The following PTPRD variants were observed in gnomAD, a reference collection of about 807,000 sequenced individuals.
PTPRD encodes the protein receptor-type tyrosine-protein phosphatase delta.
A neutral mutation model predicts 214.5 loss-of-function variants in PTPRD; 34 were observed. The ratio of observed to expected loss-of-function variants is 0.16; its 90% CI spans 0.12 to 0.21. The LOEUF is 0.21. Among genes scored for constraint, PTPRD ranks in the 10% least tolerant of loss-of-function variants. The pLI, the probability that PTPRD is intolerant of heterozygous loss-of-function variation, is 1.00. For missense variants in PTPRD, 2,545 were observed against 2,398.7 expected (o/e 1.06, Z -1.27); for synonymous variants, 1,128 against 845.7 (o/e 1.33, Z -5.79).
chr9:10,194,337 TATATATATAGAG>T lies in PTPRD; in HGVS notation c.-545+146614_-545+146625del, dbSNP rs2099387767. 5.7e-5 allele frequency among the ~76,000 whole-genome samples: 4 copies of T among 70,634 alleles called. No individual in the cohort carries two copies. In the South Asian group the frequency reaches 1.8e-3, roughly 31 times the overall value. The allele number at this position is 70,634 out of a possible 152,430, so 46.3% of individuals were successfully genotyped here. On this transcript the variant is annotated intron_variant, in intron 3 of 45. Transcript: ENST00000381196. The stretch of plus-strand genomic sequence containing the variant: ...CTATTCATATATATATATATATATA[TATATATATAGAG>T]AGAGAGAGAGAGAGAGAGAGAGAGA...
chr9:9,130,827 T>C, intron 10 of PTPRD, among the ~76,000 whole-genome samples: 1 of 152,118 alleles, frequency 6.6e-6, no homozygotes, highest in East Asian at 1.9e-4. Flanking sequence ...GGGGTACCAG[T>C]TTTTTAGGAT....
At chr9:8,706,486 C>A (rs2098212579) in intron 12 of PTPRD, among the ~76,000 whole-genome samples, 1 of 152,184 alleles carries the variant, frequency 6.6e-6, no homozygotes, top group South Asian at 2.1e-4. Flanking sequence ...TAGAAGCCAT[C>A]TAAGTCTGCA....
intron 8 of PTPRD, among the ~76,000 whole-genome samples, chr9:9,526,870 T>C (rs1258093094): frequency 6.6e-6 from 1 of 152,188 alleles, no homozygotes; most frequent in Non-Finnish European, 1.5e-5. Context: ...TAGTTTTCAC[T>C]ATAATTCAGA....
chr9:9,831,627 C>T (rs1032945170), intron 5 of PTPRD, among the ~76,000 whole-genome samples: 5 of 151,958 alleles, frequency 3.3e-5, no homozygotes, highest in Admixed American at 1.3e-4. Flanking sequence ...AACCAACTAC[C>T]TCTCAATGTT....
intron 2 of PTPRD, among the ~76,000 whole-genome samples, chr9:10,568,716 C>T (rs186379221): frequency 6.6e-6 from 1 of 152,212 alleles, no homozygotes; most frequent in Admixed American, 6.5e-5. Context: ...ACTGGCTAGC[C>T]ATATGTAGAA....
At chr9:9,317,704 T>G (rs1193375997) in intron 9 of PTPRD, among the ~76,000 whole-genome samples, 2 of 152,084 alleles carry the variant, frequency 1.3e-5, no homozygotes, top group African/African-American at 4.8e-5. Flanking sequence ...CCTTTAATAA[T>G]TTTTCTATGC....
intron 12 of PTPRD, among the ~76,000 whole-genome samples, chr9:8,698,655 G>C (rs1411161351): frequency 6.6e-6 from 1 of 152,102 alleles, no homozygotes; most frequent in African/African-American, 2.4e-5. Flanking sequence ...TGCATCCTGA[G>C]GGGATTCTAC....
intron 2 of PTPRD, among the ~76,000 whole-genome samples, chr9:10,349,816 A>G (rs1471970924): frequency 1.3e-5 from 2 of 152,170 alleles, no homozygotes; most frequent in Non-Finnish European, 2.9e-5. Context: ...GCATGCCACC[A>G]TCCCCAGCTA....
intron 14 of PTPRD, among the ~76,000 whole-genome samples, chr9:8,601,798 G>C (rs1417415055): frequency 6.6e-6 from 1 of 152,094 alleles, no homozygotes; most frequent in Admixed American, 6.5e-5. Flanking sequence ...CATATTATCA[G>C]GGTTGGAAAA....
chr9:8,647,563 T>C (rs1376358078), intron 12 of PTPRD, among the ~76,000 whole-genome samples: 3 of 152,208 alleles, frequency 2.0e-5, no homozygotes. Flanking sequence ...TTTCTGCTAT[T>C]TCAATCAGAA....
chr9:9,505,957 G>GA (rs528713997), intron 8 of PTPRD, among the ~76,000 whole-genome samples: 5 of 150,738 alleles, frequency 3.3e-5, no homozygotes, highest in Admixed American at 6.6e-5. Flanking sequence ...TAAGTAGGCA[G>GA]AAAAAAAATA....
intron 11 of PTPRD, among the ~76,000 whole-genome samples, chr9:8,858,850 G>GAC (rs369671688): frequency 5.7e-5 from 8 of 141,282 alleles, no homozygotes; most frequent in South Asian, 5.1e-4. Context: ...CAGACACACA[G>GAC]ACACACACAC....
At chr9:9,926,329 G>A (rs931204769) in intron 5 of PTPRD, among the ~76,000 whole-genome samples, 2 of 152,048 alleles carry the variant, frequency 1.3e-5, no homozygotes, top group African/African-American at 4.8e-5. Context: ...AAAAATAGTG[G>A]ATATTAAGAC....
At chr9:10,051,036 A>G (rs534356613) in intron 3 of PTPRD, among the ~76,000 whole-genome samples, 7 of 152,168 alleles carry the variant, frequency 4.6e-5, no homozygotes, top group Non-Finnish European at 8.8e-5. Context: ...TTTAAGCATA[A>G]TAAAAGTTGT....
intron 11 of PTPRD, among the ~76,000 whole-genome samples, chr9:8,895,752 A>C (rs1335260839): frequency 1.3e-5 from 2 of 152,218 alleles, no homozygotes; most frequent in African/African-American, 4.8e-5. Context: ...ACACTCCTCC[A>C]GACTTTAGTT....
chr9:8,697,764 GGT>G lies in PTPRD; in HGVS notation c.64+36014_64+36015del, dbSNP rs111905531. On this transcript the variant is annotated intron_variant, in intron 12 of 45. Coordinates refer to ENST00000381196, the MANE Select transcript of PTPRD (RefSeq NM_002839.4). ...ACAGGTGTGTATGTGTGGGTGCGTG[GGT>G]GTGTGTGTGTGTGTGTTTGGGGAGG... Among the ~76,000 whole-genome samples, 55 of 149,638 alleles carry G rather than the reference GGT, an allele frequency of 3.7e-4. 2 individuals are homozygous for G. The South Asian group carries it at 8.1e-3, about 22-fold the overall frequency.
intron 14 of PTPRD, among the ~76,000 whole-genome samples, chr9:8,562,971 T>G (rs1012236992): frequency 1.3e-5 from 2 of 152,094 alleles, no homozygotes; most frequent in Non-Finnish European, 2.9e-5. Context: ...GGCACCCACT[T>G]TTTCCAGCAC....
At chr9:9,702,512 T>C (rs553501380) in intron 7 of PTPRD, among the ~76,000 whole-genome samples, 3 of 152,274 alleles carry the variant, frequency 2.0e-5, no homozygotes, top group East Asian at 3.9e-4. Context: ...TGTGTTATTA[T>C]ATATGCTGAA....
chr9:10,087,561 T>C (rs950957856), intron 3 of PTPRD, among the ~76,000 whole-genome samples: 1 of 151,676 alleles, frequency 6.6e-6, no homozygotes, highest in Non-Finnish European at 1.5e-5. Flanking sequence ...GGAAGAAATC[T>C]GGTAACACTA....
Sources: gnomAD v4.1 joint callset for allele counts (sites outside exome capture counted in the v4.1 genomes callset) on GRCh38, gnomAD v4.1.1 for gene constraint, MANE v1.5 for transcripts, NCBI Gene and HGNC (gene_info 2026-07-23, HGNC 2026-07-21) for gene names.